The following KCNT2 variants were observed in gnomAD, a reference collection of about 807,000 sequenced individuals.
KCNT2 encodes potassium channel subfamily T member 2.
A neutral mutation model predicts 153.8 loss-of-function variants in KCNT2; 67 were observed. The ratio of observed to expected loss-of-function variants is 0.44; its 90% confidence interval spans 0.36 to 0.53. The LOEUF is 0.53. KCNT2 is among the 20% of genes least tolerant of loss of function. KCNT2 has a pLI of 0.00. For missense variants in KCNT2, 975 were observed against 1,354.8 expected, an observed-to-expected ratio of 0.72 and a Z score of 4.40; for synonymous variants, 500 against 458.8, an observed-to-expected ratio of 1.09 and a Z score of -1.15.
intron 1 of KCNT2, among the ~76,000 whole-genome samples, chr1:196,553,678 A>G (rs1167127036): frequency 6.6e-6 from 1 of 151,272 alleles, no homozygotes; most frequent in East Asian, 1.9e-4. Context: ...CAATGGCTGC[A>G]CAATATGCAT....
chr1:196,239,241 G>A (rs551995859), intron 26 of KCNT2, among the ~76,000 whole-genome samples: 16 of 151,464 alleles, frequency 1.1e-4, no homozygotes, highest in African/African-American at 3.9e-4. Context: ...TACGACATTA[G>A]CAAAATAAAA....
chr1:196,592,987 C>T (rs1445047414), intron 1 of KCNT2, among the ~76,000 whole-genome samples: 25 of 150,104 alleles, frequency 1.7e-4, no homozygotes, highest in African/African-American at 5.1e-4. Flanking sequence ...TGAGGAAGTT[C>T]TTTAGTGGTG....
chr1:196,417,585 A>C (rs934213929), intron 12 of KCNT2, among the ~76,000 whole-genome samples: 1 of 152,220 alleles, frequency 6.6e-6, no homozygotes, highest in African/African-American at 2.4e-5. Flanking sequence ...AATTTAAATT[A>C]TAATCTACTA....
intron 8 of KCNT2, among the ~76,000 whole-genome samples, chr1:196,448,458 C>T (rs576053271): frequency 3.5e-4 from 53 of 151,530 alleles, no homozygotes; most frequent in African/African-American, 1.0e-3. Context: ...CATTGAGAAA[C>T]GTGTGTTTTG....
At chr1:196,499,695 G>A (rs1256172532) in intron 1 of KCNT2, among the ~76,000 whole-genome samples, 1 of 152,136 alleles carries the variant, frequency 6.6e-6, no homozygotes, top group East Asian at 1.9e-4. Context: ...TATGATTAAT[G>A]TCATTTCCCC....
rs143615261 is a variant in KCNT2, at chr1:196,599,588, A to G, written c.95+8627T>C. ...GCCGTGGCATAATTGCAGTAGTGCT[A>G]AGACTACTAAAGCACTGATTGGAAG... On this transcript the variant is annotated intron_variant, in intron 1 of 27. Transcript: ENST00000294725. Among the ~76,000 whole-genome samples the G allele has an allele frequency of 2.0e-5, 3 of 152,332 alleles. No individual in the cohort carries two copies. The East Asian group carries it at 5.8e-4, about 29-fold the overall frequency.
chr1:196,483,132 G>A (rs1008968389), intron 3 of KCNT2, among the ~76,000 whole-genome samples: 1 of 152,118 alleles, frequency 6.6e-6, no homozygotes, highest in Non-Finnish European at 1.5e-5. Context: ...AGAGGCAGGT[G>A]AATGGTAGTT....
At chr1:196,389,774 CT>C (rs1670311179) in intron 13 of KCNT2, among the ~76,000 whole-genome samples, 1 of 151,508 alleles carries the variant, frequency 6.6e-6, no homozygotes. Flanking sequence ...TAGTGGTAAG[CT>C]TTTATTACTG....
intron 1 of KCNT2, among the ~76,000 whole-genome samples, chr1:196,593,313 C>CAT (rs1220549888): frequency 8.5e-6 from 1 of 116,972 alleles, no homozygotes; most frequent in Admixed American, 8.5e-5. Flanking sequence ...TATATATATA[C>CAT]ACACACACAC....
chr1:196,387,419 C>T (rs1342328612), intron 13 of KCNT2, among the ~76,000 whole-genome samples: 4 of 151,850 alleles, frequency 2.6e-5, no homozygotes, highest in African/African-American at 9.7e-5. Context: ...CTTACATGTC[C>T]CTTTGCCAAA....
chr1:196,598,200 T>C (rs1664310670), intron 1 of KCNT2, among the ~76,000 whole-genome samples: 1 of 152,202 alleles, frequency 6.6e-6, no homozygotes, highest in African/African-American at 2.4e-5. Context: ...GTCTTTTTGA[T>C]TGATATATGC....
chr1:196,428,412 G>T (rs775336712), intron 9 of KCNT2, 143 bp from the exon 10 acceptor site: 22 of 623,910 alleles, frequency 3.5e-5, no homozygotes, highest in African/African-American at 5.5e-5. Flanking sequence ...CCCCTTCAAC[G>T]ACAGACTTTT....
At position 196,564,214 on chromosome 1, in the gene KCNT2, A is replaced by G. The variant is rs148294388; in HGVS notation, c.95+44001T>C. On this transcript the variant is annotated intron_variant, in intron 1 of 27. Coordinates refer to ENST00000294725, the MANE Select transcript of KCNT2 (RefSeq NM_198503.5). Reference sequence around the variant, plus strand: ...ATACTAAAATTAGTAGGATTTCTACACACTAACAAGAAACTATCTGAAAAA... The same window carrying G: ...ATACTAAAATTAGTAGGATTTCTACGCACTAACAAGAAACTATCTGAAAAA... Among the ~76,000 whole-genome samples, 22 of 151,954 alleles carry G rather than the reference A, an allele frequency of 1.4e-4. No individual in the cohort carries two copies. The East Asian group carries it at 2.7e-3, about 19-fold the overall frequency.
At chr1:196,510,967 G>C (rs1227296265) in intron 1 of KCNT2, among the ~76,000 whole-genome samples, 1 of 152,138 alleles carries the variant, frequency 6.6e-6, no homozygotes, top group Non-Finnish European at 1.5e-5. Context: ...AGAGGAAATT[G>C]TTTTACCACA....
intron 21 of KCNT2, among the ~76,000 whole-genome samples, chr1:196,305,859 T>G (rs1459886284): frequency 3.3e-5 from 5 of 152,146 alleles, no homozygotes; most frequent in Non-Finnish European, 7.4e-5. Flanking sequence ...ATGTAAAACT[T>G]CATTGTAATT....
At chr1:196,389,445 C>T (rs889691807) in intron 13 of KCNT2, among the ~76,000 whole-genome samples, 1 of 151,442 alleles carries the variant, frequency 6.6e-6, no homozygotes, top group Non-Finnish European at 1.5e-5. Context: ...TTGGAATTTC[C>T]CATTTATTGA....
intron 12 of KCNT2, among the ~76,000 whole-genome samples, chr1:196,419,610 G>T (rs1404864227): frequency 6.6e-6 from 1 of 151,400 alleles, no homozygotes; most frequent in East Asian, 2.0e-4. Flanking sequence ...TGGTTCCAAG[G>T]ACATTTGGGT....
chr1:196,572,519 T>C (rs1452481792), intron 1 of KCNT2, among the ~76,000 whole-genome samples: 1 of 152,072 alleles, frequency 6.6e-6, no homozygotes, highest in East Asian at 1.9e-4. Flanking sequence ...GGAAAAAGTA[T>C]TCAAAAGAGA....
chr1:196,380,481 A>G (rs913074730), intron 13 of KCNT2, among the ~76,000 whole-genome samples: 3 of 152,180 alleles, frequency 2.0e-5, no homozygotes, highest in African/African-American at 7.2e-5. Flanking sequence ...CTTTTGTGTG[A>G]TTTAAAGTAC....
Sources: gnomAD v4.1 joint callset for allele counts (sites outside exome capture counted in the v4.1 genomes callset) on GRCh38, gnomAD v4.1.1 for gene constraint, MANE v1.5 for transcripts, NCBI Gene and HGNC (gene_info 2026-07-23, HGNC 2026-07-21) for gene names.